Variants in SLC25A24 observed in about 807,000 individuals in gnomAD.
SLC25A24 encodes the protein mitochondrial adenyl nucleotide antiporter SLC25A24.
Under a neutral mutation model 60.7 loss-of-function variants are expected in SLC25A24, and 49 were observed. The observed-to-expected ratio is 0.81, with a 90% CI of 0.64 to 1.02. The LOEUF is 1.02. Among genes scored for constraint, SLC25A24 ranks in the 50% least tolerant of loss-of-function variants. SLC25A24 has a pLI of 0.00. For missense variants in SLC25A24, 564 were observed against 586.3 expected (o/e 0.96, Z 0.39); for synonymous variants, 202 against 200.6 (o/e 1.01, Z -0.06).
chr1:108,155,727 T>C (rs1482693247), intron 5 of SLC25A24, among the ~76,000 whole-genome samples: 1 of 152,090 alleles, frequency 6.6e-6, no homozygotes, highest in East Asian at 1.9e-4. Flanking sequence ...TGGCATATTT[T>C]GAGGCCCTCT....
intron 3 of SLC25A24, among the ~76,000 whole-genome samples, chr1:108,172,933 C>T (rs1452199570): frequency 2.0e-5 from 3 of 151,744 alleles, no homozygotes; most frequent in African/African-American, 7.3e-5. Flanking sequence ...ATAATAATAA[C>T]AATATCCCAA....
chr1:108,151,087 A>C (rs1679742469), intron 6 of SLC25A24, among the ~76,000 whole-genome samples: 1 of 151,872 alleles, frequency 6.6e-6, no homozygotes, highest in Admixed American at 6.6e-5. Context: ...TGTAATCCTA[A>C]CTACTCAGGA....
intron 7 of SLC25A24, among the ~76,000 whole-genome samples, chr1:108,144,809 TTTTG>T (rs1185718381): frequency 6.6e-6 from 1 of 152,246 alleles, no homozygotes; most frequent in Non-Finnish European, 1.5e-5. Context: ...ATGTGCCATA[TTTTG>T]TTTATCTAGT....
intron 7 of SLC25A24, among the ~76,000 whole-genome samples, chr1:108,145,752 C>A (rs976383379): frequency 6.6e-6 from 1 of 152,010 alleles, no homozygotes. Flanking sequence ...TGTTCTGTTC[C>A]ATTGGTCTAT....
In SLC25A24 at chr1:108,136,042, A is replaced by G. The variant is rs1388814616; in HGVS notation, c.*611T>C. On this transcript the variant is annotated 3_prime_UTR_variant, in exon 10 of 10. Transcript: ENST00000565488. ...AGGAACCAAATAATGGTACAGTGGT[A>G]AAATGGAAAAGTGCCCACTGAAATA... 6.6e-6 allele frequency: 1 copy of G among 152,256 alleles called. No homozygotes were observed. Among genetic ancestry groups the G allele is most frequent in the Non-Finnish European group, 1.5e-5 (1 of 68,042 alleles). 9.4% of individuals were successfully genotyped at this position (152,256 alleles called of 1,614,324 possible). A position where few individuals can be genotyped will look rare whatever the true frequency, so the allele number is the denominator to read the frequency against.
chr1:108,137,156 T>C (rs982414475), intron 9 of SLC25A24, among the ~76,000 whole-genome samples: 1 of 152,144 alleles, frequency 6.6e-6, no homozygotes, highest in South Asian at 2.1e-4. Flanking sequence ...CTTAGAAAGA[T>C]GGAGAAATTT....
chr1:108,194,119 C>T (rs79851677), intron 1 of SLC25A24, among the ~76,000 whole-genome samples: 9,078 of 139,110 alleles, frequency 0.065, 1,831 homozygotes, highest in South Asian at 0.14. Flanking sequence ...TCTTGCTCTA[C>T]ACTACCCATC....
chr1:108,144,407 ACTTTT>A (rs1270489713), intron 7 of SLC25A24, among the ~76,000 whole-genome samples: 8 of 152,108 alleles, frequency 5.3e-5, no homozygotes, highest in Admixed American at 1.3e-4. Flanking sequence ...GTTGTATATT[ACTTTT>A]CTTTTCTTTT....
chr1:108,182,967 G>C (rs200920398), intron 2 of SLC25A24, among the ~76,000 whole-genome samples: 1 of 152,124 alleles, frequency 6.6e-6, no homozygotes, highest in East Asian at 1.9e-4. Context: ...ACAATCAGAA[G>C]ACAGGAAGAG....
At chr1:108,149,334 A>C (rs1255806617) in intron 6 of SLC25A24, among the ~76,000 whole-genome samples, 3 of 152,120 alleles carry the variant, frequency 2.0e-5, no homozygotes, top group African/African-American at 7.2e-5. Context: ...CCAGTATATT[A>C]ATATCATGGG....
At chr1:108,157,400 C>G in intron 5 of SLC25A24, 62 bp downstream of exon 5, 1 of 1,497,054 alleles carries the variant, frequency 6.7e-7, no homozygotes, top group Middle Eastern at 1.8e-4. Context: ...TTTCAAAGCA[C>G]CACATTTCTC....
intron 1 of SLC25A24, among the ~76,000 whole-genome samples, chr1:108,194,104 T>C (rs1434171046): frequency 7.2e-6 from 1 of 139,114 alleles, no homozygotes; most frequent in East Asian, 2.6e-4. Flanking sequence ...CCATTATCTG[T>C]AAGCTCTTGC....
At chr1:108,184,736 A>G (rs1371272519) in intron 2 of SLC25A24, among the ~76,000 whole-genome samples, 2 of 152,220 alleles carry the variant, frequency 1.3e-5, no homozygotes, top group Non-Finnish European at 2.9e-5. Context: ...AGAGACAAGT[A>G]GCTACAACTG....
At chr1:108,196,833 A>G (rs1473680488) in intron 1 of SLC25A24, among the ~76,000 whole-genome samples, 3 of 152,172 alleles carry the variant, frequency 2.0e-5, no homozygotes, top group Non-Finnish European at 2.9e-5. Flanking sequence ...GGGTAGAAGG[A>G]GGAAGACAAG....
intron 2 of SLC25A24, 39 bp downstream of exon 2, chr1:108,185,789 T>G: frequency 2.0e-6 from 3 of 1,509,516 alleles, no homozygotes; most frequent in Non-Finnish European, 2.7e-6. Flanking sequence ...TGATAAATGC[T>G]TCTTCATAGC....
intron 7 of SLC25A24, among the ~76,000 whole-genome samples, chr1:108,146,215 TGTGTATTATTG>T (rs981442582): frequency 6.6e-6 from 1 of 152,212 alleles, no homozygotes; most frequent in African/African-American, 2.4e-5. Flanking sequence ...GCTCTCTGTT[TGTGTATTATTG>T]GTTAATAGGA....
At chr1:108,145,229 T>C (rs1036606198) in intron 7 of SLC25A24, among the ~76,000 whole-genome samples, 2 of 152,230 alleles carry the variant, frequency 1.3e-5, no homozygotes, top group African/African-American at 4.8e-5. Context: ...ATGAGAAGTG[T>C]CTGTTCATAT....
At chr1:108,195,591 G>A (rs955289391) in intron 1 of SLC25A24, among the ~76,000 whole-genome samples, 4 of 152,150 alleles carry the variant, frequency 2.6e-5, no homozygotes, top group Non-Finnish European at 5.9e-5. Flanking sequence ...GAATTCCATT[G>A]TTTTTCTTAT....
At position 108,199,854 on chromosome 1, in the gene SLC25A24, T is replaced by C. The variant is rs1361209139; in HGVS notation, c.183+102A>G. 8 of 899,730 alleles carry C rather than the reference T, an allele frequency of 8.9e-6. No individual in the cohort carries two copies. In the African/African-American group the frequency reaches 1.2e-4, roughly 13 times the overall value. The allele number at this position is 899,730 out of a possible 1,614,324, so 55.7% of individuals were successfully genotyped here. A position where few individuals can be genotyped will look rare whatever the true frequency, so the allele number is the denominator to read the frequency against. ...GCTGGGCGCCACAGTTCCTCCTTCC[T>C]CTCCTGGCAACGCCTCAAGCCGCCG... On this transcript the variant is annotated intron_variant, in intron 1 of 9. Coordinates refer to ENST00000565488, the MANE Select transcript of SLC25A24 (RefSeq NM_013386.5).
Sources: allele counts gnomAD v4.1 joint callset (sites outside exome capture counted in the v4.1 genomes callset), GRCh38; gene constraint gnomAD v4.1.1; transcripts MANE v1.5; gene names NCBI Gene and HGNC (gene_info 2026-07-23, HGNC 2026-07-21).